ASTN2: variants seen among roughly 807,000 people sequenced by gnomAD.
ASTN2 encodes the protein astrotactin 2.
A neutral mutation model predicts 139.8 loss-of-function variants in ASTN2; 54 were observed. The ratio of observed to expected loss-of-function variants is 0.39; its 90% CI spans 0.31 to 0.48. The LOEUF (loss-of-function observed/expected upper bound fraction) is 0.48, where lower values mean the gene tolerates loss of function less well. Among genes scored for constraint, ASTN2 ranks in the 20% least tolerant of loss-of-function variants. The pLI is 0.95. For missense variants in ASTN2, 1,565 were observed against 1,725.1 expected (o/e 0.91, Z 1.64); for synonymous variants, 756 against 719.5 (o/e 1.05, Z -0.81).
rs545237355 is a variant in ASTN2 at position 116,763,768 on chromosome 9, A to G, written c.2397-30245T>C. On this transcript the variant is annotated intron_variant, in intron 13 of 22. Transcript: ENST00000313400. ...GACTGAATAGGATGATAGGTGGAGA[A>G]TTTGCATTCCAGCATTGGGTTAATA... Among the ~76,000 whole-genome samples, 135 of 152,164 alleles carry G rather than the reference A, an allele frequency of 8.9e-4. 1 individual carries two copies. The highest frequency in any genetic ancestry group is 1.6e-3 in the Non-Finnish European group (110 of 68,022).
intron 4 of ASTN2, among the ~76,000 whole-genome samples, chr9:117,101,813 C>T (rs1828985052): frequency 6.6e-6 from 1 of 152,120 alleles, no homozygotes; most frequent in Admixed American, 6.5e-5. Context: ...ATAGAAAATG[C>T]AAACCGAAAC....
rs779117580 is a variant in ASTN2, at chr9:117,291,350, C to T, written c.606G>A (p.Met202Ile). ...CCATCACAGAAATGTGGAGGATGTGCATCTGCTCCTCAACAATCTCCGAGG... is the reference window on the plus strand; with the variant it reads ...CCATCACAGAAATGTGGAGGATGTGTATCTGCTCCTCAACAATCTCCGAGG... ...QEPSEIVEEQMHILHISVMGG... is the reference protein window; with the variant it reads ...QEPSEIVEEQIHILHISVMGG... The change falls in exon 2 of 23, where the codon ATG becomes ATA. Residue 202 changes from methionine (M) to isoleucine (I), a missense_variant. Met to Ile is a conservative substitution (Grantham distance 10). Around this residue, in one of 4 missense-constraint regions of ASTN2, gnomAD observed 596 missense variants for 576.8 expected, o/e 1.03. Coordinates refer to ENST00000313400, the MANE Select transcript of ASTN2 (RefSeq NM_001365068.1). 5.6e-6 allele frequency: 9 copies of T among 1,614,150 alleles called. No individual in the cohort carries two copies. The South Asian group carries it at 7.7e-5, about 14-fold the overall frequency.
rs1564386063 is a variant in ASTN2 at position 117,016,654 on chromosome 9, ATAACC to A, written c.1424-8400_1424-8396del. Reference sequence around the variant, plus strand: ...TATATATATATATATATATATATATATAACCTATATATATGTTACATATATATAGG... The same window carrying A: ...TATATATATATATATATATATATATATATATATATGTTACATATATATAGG... On this transcript the variant is annotated intron_variant, in intron 6 of 22. Coordinates refer to ENST00000313400, the MANE Select transcript of ASTN2 (RefSeq NM_001365068.1). 8.2e-4 allele frequency among the ~76,000 whole-genome samples: 82 copies of A among 100,052 alleles called. 2 individuals carry two copies. Among genetic ancestry groups the A allele is most frequent in the African/African-American group, 3.5e-3 (71 of 20,314 alleles). 65.6% of individuals were successfully genotyped at this position (100,052 alleles called of 152,430 possible).
In ASTN2 at chr9:116,503,921, C is replaced by A. The variant is rs114506320; in HGVS notation, c.3356-16421G>T. On this transcript the variant is annotated intron_variant, in intron 19 of 22. Transcript: ENST00000313400. Reference sequence around the variant, plus strand: ...ACCAAGAACCCACAGGTCTCTAAGGCATCACAGTCCATATCACAGTTCTGC... The same window carrying A: ...ACCAAGAACCCACAGGTCTCTAAGGAATCACAGTCCATATCACAGTTCTGC... Among the ~76,000 whole-genome samples, 675 of 152,192 alleles carry A rather than the reference C, an allele frequency of 4.4e-3. 7 individuals are homozygous for A. Among genetic ancestry groups the A allele is most frequent in the African/African-American group, 0.015 (634 of 41,528 alleles).
chr9:117,380,292 A>G (rs1830231788), intron 1 of ASTN2, among the ~76,000 whole-genome samples: 1 of 152,134 alleles, frequency 6.6e-6, no homozygotes, highest in African/African-American at 2.4e-5. Context: ...CTGGAGAAAG[A>G]GATCACAGGA....
chr9:117,339,753 G>C (rs1169311382), intron 1 of ASTN2, among the ~76,000 whole-genome samples: 1 of 152,034 alleles, frequency 6.6e-6, no homozygotes, highest in Non-Finnish European at 1.5e-5. Flanking sequence ...GGGGTGAGGG[G>C]AGGAAGAAGG....
chr9:117,027,886 T>C (rs1245580308), intron 6 of ASTN2, among the ~76,000 whole-genome samples: 1 of 152,184 alleles, frequency 6.6e-6, no homozygotes, highest in Non-Finnish European at 1.5e-5. Flanking sequence ...TATTTCACCC[T>C]CACCACCACC....
intron 4 of ASTN2, among the ~76,000 whole-genome samples, chr9:117,115,893 T>G (rs1342946085): frequency 1.3e-5 from 2 of 151,742 alleles, no homozygotes; most frequent in African/African-American, 4.8e-5. Context: ...GGCGTAGTGG[T>G]GGGCGCCTGT....
At chr9:116,508,212 T>C (rs1850196018) in intron 19 of ASTN2, among the ~76,000 whole-genome samples, 2 of 152,198 alleles carry the variant, frequency 1.3e-5, no homozygotes, top group Admixed American at 1.3e-4. Flanking sequence ...AGCCTCAGTT[T>C]TCTTACGTAC....
chr9:116,932,299 T>G (rs535537152), intron 10 of ASTN2, among the ~76,000 whole-genome samples: 1 of 152,262 alleles, frequency 6.6e-6, no homozygotes, highest in Non-Finnish European at 1.5e-5. Context: ...CACAGCCAGG[T>G]ATCTGATGCA....
At chr9:117,314,765 T>G (rs1828086970) in intron 1 of ASTN2, among the ~76,000 whole-genome samples, 1 of 145,542 alleles carries the variant, frequency 6.9e-6, no homozygotes, top group Non-Finnish European at 1.5e-5. Context: ...ATATGTAGTA[T>G]TATATGTAAC....
At chr9:116,725,976 G>A (rs1828610887) in intron 15 of ASTN2, 26 bp from the exon 16 acceptor site, 4 of 1,588,554 alleles carry the variant, frequency 2.5e-6, no homozygotes, top group Middle Eastern at 3.7e-4. Flanking sequence ...GCATGTGGAG[G>A]TGGTCAGATG....
At chr9:117,335,543 T>C (rs960157763) in intron 1 of ASTN2, among the ~76,000 whole-genome samples, 3 of 152,182 alleles carry the variant, frequency 2.0e-5, no homozygotes, top group African/African-American at 4.8e-5. Context: ...AACTGAATTG[T>C]AGGAGGGTCA....
rs386416039 is a variant in ASTN2, at chr9:116,951,337, C to CAAAAAAAAAA, written c.1889+23861_1889+23870dup. Among the ~76,000 whole-genome samples, 21 of 34,068 alleles carry CAAAAAAAAAA rather than the reference C, an allele frequency of 6.2e-4. 3 individuals are homozygous for CAAAAAAAAAA. The highest frequency in any genetic ancestry group is 2.1e-3 in the African/African-American group (13 of 6,086). 22.3% of individuals were successfully genotyped at this position (34,068 alleles called of 152,430 possible). A position where few individuals can be genotyped will look rare whatever the true frequency, so the allele number is the denominator to read the frequency against. ...GGGCAACAAGAGTGAAACTCTGTCT[C>CAAAAAAAAAA]AAAAAAAAAAAAAAAAAAAAAAAAA... On this transcript the variant is annotated intron_variant, in intron 10 of 22. Transcript: ENST00000313400.
intron 7 of ASTN2, among the ~76,000 whole-genome samples, chr9:116,986,256 G>T (rs1836679957): frequency 6.8e-6 from 1 of 146,028 alleles, no homozygotes; most frequent in African/African-American, 2.5e-5. Context: ...TGCTGTGTTA[G>T]TTCCTCCTTT....
intron 19 of ASTN2, among the ~76,000 whole-genome samples, chr9:116,574,753 C>G (rs1157211826): frequency 6.6e-6 from 1 of 152,222 alleles, no homozygotes; most frequent in Non-Finnish European, 1.5e-5. Flanking sequence ...GCAAAGCCAA[C>G]GTGCAGAAGT....
At chr9:117,309,532 A>G (rs1827901606) in intron 1 of ASTN2, among the ~76,000 whole-genome samples, 1 of 152,248 alleles carries the variant, frequency 6.6e-6, no homozygotes, top group South Asian at 2.1e-4. Flanking sequence ...CCCAGAAGGC[A>G]GGAAGATAGA....
chr9:117,283,670 T>G (rs941264027), intron 2 of ASTN2, among the ~76,000 whole-genome samples: 1 of 152,192 alleles, frequency 6.6e-6, no homozygotes, highest in Non-Finnish European at 1.5e-5. Flanking sequence ...TTTCCACTAC[T>G]AGATGTTTGC....
intron 16 of ASTN2, among the ~76,000 whole-genome samples, chr9:116,670,089 G>A (rs1274374350): frequency 6.6e-6 from 1 of 152,212 alleles, no homozygotes; most frequent in Non-Finnish European, 1.5e-5. Context: ...ACAGGCATGA[G>A]CCACCATGCC....
Sources: gnomAD v4.1 joint callset for allele counts (sites outside exome capture counted in the v4.1 genomes callset) on GRCh38, gnomAD v4.1.1 for gene constraint, gnomAD v4.1.1 regional missense constraint, MANE v1.5 for transcripts, NCBI Gene and HGNC (gene_info 2026-07-23, HGNC 2026-07-21) for gene names.